Variants in ADGRE3 observed in about 807,000 individuals in gnomAD.
ADGRE3 encodes adhesion G protein-coupled receptor E3.
A neutral mutation model predicts 80.1 loss-of-function variants in ADGRE3; 88 were observed. The observed-to-expected ratio is 1.10, with a 90% CI of 0.93 to 1.31. The LOEUF (loss-of-function observed/expected upper bound fraction) is 1.31, where lower values mean the gene tolerates loss of function less well. ADGRE3 is among the 40% of genes most tolerant of loss of function. The probability of loss-of-function intolerance (pLI) is 0.00; values close to 1 mark genes in which losing one functional copy is unlikely to be tolerated. For synonymous variants in ADGRE3, 281 were observed against 294.8 expected (o/e 0.95, Z 0.48); for missense variants, 715 against 776.5 (o/e 0.92, Z 0.94).
intron 1 of ADGRE3, among the ~76,000 whole-genome samples, chr19:14,670,795 C>A (rs1187514428): frequency 6.6e-6 from 1 of 152,210 alleles, no homozygotes; most frequent in Non-Finnish European, 1.5e-5. Context: ...TTCACTGGGG[C>A]TAGTCAGTGG....
intron 1 of ADGRE3, among the ~76,000 whole-genome samples, chr19:14,669,374 A>G (rs1972190569): frequency 1.3e-5 from 2 of 152,226 alleles, no homozygotes; most frequent in African/African-American, 2.4e-5. Flanking sequence ...GCAGACCTGG[A>G]CATGAAGATG....
At chr19:14,636,900 C>T (rs1021059983) in intron 11 of ADGRE3, among the ~76,000 whole-genome samples, 2 of 152,032 alleles carry the variant, frequency 1.3e-5, no homozygotes, top group African/African-American at 4.8e-5. Flanking sequence ...TCAAGACCAG[C>T]CTGGTCAACA....
At chr19:14,629,973 C>A (rs1970832885) in intron 14 of ADGRE3, 66 bp downstream of exon 14, 1 of 1,033,996 alleles carries the variant, frequency 9.7e-7, no homozygotes, top group Non-Finnish European at 1.4e-6. Flanking sequence ...CAACTTAAAT[C>A]CCCATTGAAC....
At position 14,651,074 on chromosome 19, in the gene ADGRE3, A is replaced by T; in HGVS notation, c.697+11T>A. On this transcript the variant is annotated intron_variant, in intron 7 of 15. Coordinates refer to ENST00000253673, the MANE Select transcript of ADGRE3 (RefSeq NM_032571.5). ...TGTGTGAAGGATTCTGAATGCAGCC[A>T]TCAGGCATACCTTGTGTGTCTCCCT... is the stretch of plus-strand genomic sequence containing the variant. 1 of 1,613,952 alleles carries T rather than the reference A, an allele frequency of 6.2e-7. No homozygotes were observed. Among genetic ancestry groups the T allele is most frequent in the Non-Finnish European group, 8.5e-7 (1 of 1,179,918 alleles).
intron 13 of ADGRE3, among the ~76,000 whole-genome samples, chr19:14,631,625 GTGTA>G (rs1225549207): frequency 6.6e-6 from 1 of 151,286 alleles, no homozygotes; most frequent in African/African-American, 2.4e-5. Flanking sequence ...TATATTATAT[GTGTA>G]TGTATATGTG....
intron 4 of ADGRE3, among the ~76,000 whole-genome samples, chr19:14,659,061 G>A (rs1411874182): frequency 1.4e-5 from 2 of 145,896 alleles, no homozygotes; most frequent in African/African-American, 2.6e-5. Flanking sequence ...TTTTAGATAG[G>A]GTCTCATTCT....
intron 11 of ADGRE3, among the ~76,000 whole-genome samples, chr19:14,637,261 A>T (rs1599618652): frequency 6.6e-6 from 1 of 151,978 alleles, no homozygotes; most frequent in African/African-American, 2.4e-5. Flanking sequence ...TGTCTGCTGT[A>T]CCCTGACCCA....
rs2146811861 is a variant in ADGRE3, at chr19:14,630,078, G to A, written c.1773C>T (p.Gly591=). The A allele has an allele frequency of 6.2e-7, 1 of 1,611,722 alleles. No individual in the cohort carries two copies. The highest frequency in any genetic ancestry group is 8.5e-7 in the Non-Finnish European group (1 of 1,178,418). ...GGCAGTAGACCAAGAAGATGAAGAA[G>A]CCTTGGAGGCTGTTGATGATGGTGA... ...YLFTIINSLQ[G]FFIFLVYCLL... is the part of the protein sequence containing the mutation. Residue 591 remains glycine (G), a synonymous_variant, in exon 14 of 16, where the codon GGC becomes GGT. Coordinates refer to ENST00000253673, the MANE Select transcript of ADGRE3 (RefSeq NM_032571.5).
intron 8 of ADGRE3, among the ~76,000 whole-genome samples, chr19:14,646,247 C>G (rs941009178): frequency 6.6e-6 from 1 of 152,132 alleles, no homozygotes; most frequent in African/African-American, 2.4e-5. Flanking sequence ...CTCACCCTCC[C>G]AAGTAGCTGG....
chr19:14,607,413 C>T, the ADGRE3 span, among the ~76,000 whole-genome samples: 3 of 151,700 alleles, frequency 2.0e-5, no homozygotes, highest in African/African-American at 7.2e-5. Flanking sequence ...CCGTGTTAGC[C>T]AGGATGGTCT....
intron 13 of ADGRE3, among the ~76,000 whole-genome samples, chr19:14,630,847 C>T (rs527390126): frequency 2.0e-4 from 30 of 152,128 alleles, no homozygotes; most frequent in East Asian, 1.2e-3. Flanking sequence ...CATTTGAAAA[C>T]CTGGGTGCTT....
rs750804682 is a variant in ADGRE3, at chr19:14,625,547, T to C, written c.1865A>G (p.Glu622Gly). ...WFREIVKSKS[E>G]SETYTLSSKM... ...GCTGGAAAGTGTGTATGTCTCAGAC[T>C]CAGATTTTGATTTTACGATCTCTCT... is the stretch of plus-strand genomic sequence containing the variant. The change falls in exon 15 of 16, where the codon GAG becomes GGG. Residue 622 changes from glutamate to glycine, a missense_variant. Transcript: ENST00000253673. 1 of 1,613,926 alleles carries C rather than the reference T, an allele frequency of 6.2e-7. No individual in the cohort carries two copies. Among genetic ancestry groups the C allele is most frequent in the Non-Finnish European group, 8.5e-7 (1 of 1,179,894 alleles).
chr19:14,657,653 A>G (rs1286105368), intron 5 of ADGRE3, among the ~76,000 whole-genome samples: 1 of 151,972 alleles, frequency 6.6e-6, no homozygotes, highest in Non-Finnish European at 1.5e-5. Flanking sequence ...CAATCCATGC[A>G]TACTCAAGAC....
intron 7 of ADGRE3, among the ~76,000 whole-genome samples, chr19:14,647,699 T>A (rs532817552): frequency 4.0e-5 from 6 of 151,722 alleles, no homozygotes; most frequent in Non-Finnish European, 5.9e-5. Context: ...ATTACAGGCA[T>A]GAGCCACCAT....
chr19:14,615,322 G>C (rs191127641), downstream of ADGRE3, among the ~76,000 whole-genome samples: 15 of 149,130 alleles, frequency 1.0e-4, no homozygotes, highest in East Asian at 3.0e-3. Context: ...CTCGTTCCTC[G>C]GGAGAGGTGA....
chr19:14,609,222 G>A, the ADGRE3 span, among the ~76,000 whole-genome samples: 1 of 152,182 alleles, frequency 6.6e-6, no homozygotes, highest in Non-Finnish European at 1.5e-5. Flanking sequence ...ACCGGTGACA[G>A]CCTAAGAGAA....
At chr19:14,601,299 T>C in the ADGRE3 span, among the ~76,000 whole-genome samples, 2 of 152,186 alleles carry the variant, frequency 1.3e-5, no homozygotes, top group African/African-American at 4.8e-5. Flanking sequence ...AGAGTTTCCA[T>C]TTACTTTTGC....
intron 11 of ADGRE3, among the ~76,000 whole-genome samples, chr19:14,635,601 C>T (rs1190045359): frequency 3.3e-5 from 5 of 151,096 alleles, no homozygotes; most frequent in South Asian, 4.2e-4. Context: ...TTAGTAGAGA[C>T]GGGGTTTCAC....
At chr19:14,634,955 G>T (rs950214848) in intron 11 of ADGRE3, among the ~76,000 whole-genome samples, 2 of 152,044 alleles carry the variant, frequency 1.3e-5, no homozygotes, top group Non-Finnish European at 2.9e-5. Context: ...CTATAACTCT[G>T]ACTGGAAAGG....
Sources: gnomAD v4.1 joint callset for allele counts (sites outside exome capture counted in the v4.1 genomes callset) on GRCh38, gnomAD v4.1.1 for gene constraint, MANE v1.5 for transcripts, NCBI Gene and HGNC (gene_info 2026-07-23, HGNC 2026-07-21) for gene names.